Variants in MYH10 observed in about 807,000 individuals in gnomAD.
MYH10 encodes the protein myosin-10.
MYH10 carries 55 observed loss-of-function variants against 257.8 expected under a neutral mutation model. The ratio of observed to expected loss-of-function variants is 0.21; its 90% CI spans 0.17 to 0.27. The LOEUF is 0.27. Among genes scored for constraint, MYH10 ranks in the 10% least tolerant of loss-of-function variants. The pLI, the probability that MYH10 is intolerant of heterozygous loss-of-function variation, is 1.00. For synonymous variants in MYH10, 854 were observed against 921.7 expected, an observed-to-expected ratio of 0.93 and a Z score of 1.33; for missense variants, 1,631 against 2,500.6, an observed-to-expected ratio of 0.65 and a Z score of 7.42.
At chr17:8,479,229 A>C (rs1387722919) in intron 40 of MYH10, among the ~76,000 whole-genome samples, 2 of 148,814 alleles carry the variant, frequency 1.3e-5, no homozygotes, top group Non-Finnish European at 3.0e-5. Flanking sequence ...GGCAGCTCAC[A>C]TTGAAAAAAA....
intron 14 of MYH10, among the ~76,000 whole-genome samples, chr17:8,538,330 C>T (rs967087329): frequency 3.3e-5 from 5 of 152,140 alleles, no homozygotes; most frequent in African/African-American, 1.2e-4. Context: ...TTCAGCCTCC[C>T]GAGTAGCTGG....
chr17:8,497,180 C>G (rs1472039677), intron 30 of MYH10, among the ~76,000 whole-genome samples: 1 of 152,180 alleles, frequency 6.6e-6, no homozygotes, highest in African/African-American at 2.4e-5. Flanking sequence ...TTGCCATGAG[C>G]AGGCCTCTGT....
At chr17:8,537,608 A>G (rs1230133345) in intron 14 of MYH10, among the ~76,000 whole-genome samples, 1 of 152,214 alleles carries the variant, frequency 6.6e-6, no homozygotes, top group Admixed American at 6.5e-5. Flanking sequence ...CTAATCACAC[A>G]ACAACTGTGA....
intron 16 of MYH10, among the ~76,000 whole-genome samples, chr17:8,534,386 C>G (rs534483925): frequency 3.9e-5 from 6 of 152,310 alleles, no homozygotes; most frequent in Admixed American, 1.3e-4. Flanking sequence ...GTGCATCCCC[C>G]CCTGCAGCTC....
At chr17:8,602,855 C>A (rs952855398) in intron 3 of MYH10, among the ~76,000 whole-genome samples, 3 of 152,146 alleles carry the variant, frequency 2.0e-5, no homozygotes, top group Non-Finnish European at 4.4e-5. Context: ...ACAAGCTTGT[C>A]ATTAACTAAA....
intron 14 of MYH10, among the ~76,000 whole-genome samples, chr17:8,536,798 CAA>C (rs377714925): frequency 6.8e-5 from 8 of 117,806 alleles, no homozygotes; most frequent in Non-Finnish European, 9.1e-5. Flanking sequence ...GACTCTGTCT[CAA>C]AAAAAAAAAA....
chr17:8,479,355 A>G (rs1205566163), intron 40 of MYH10, among the ~76,000 whole-genome samples: 2 of 152,258 alleles, frequency 1.3e-5, no homozygotes, highest in African/African-American at 4.8e-5. Context: ...GGAGGACTCC[A>G]TGGAAGACAG....
intron 29 of MYH10, 22 bp downstream of exon 29, chr17:8,500,804 C>G: frequency 6.2e-7 from 1 of 1,608,402 alleles, no homozygotes; most frequent in Non-Finnish European, 8.5e-7. Flanking sequence ...CAGGCCACAG[C>G]ACACGGCAGG....
chr17:8,523,393 T>A (rs760239249), intron 17 of MYH10, among the ~76,000 whole-genome samples: 20 of 152,190 alleles, frequency 1.3e-4, no homozygotes, highest in Non-Finnish European at 2.2e-4. Flanking sequence ...GAGTGAGAAA[T>A]GCATTCAAAG....
chr17:8,584,173 G>A (rs763324922), intron 4 of MYH10, among the ~76,000 whole-genome samples: 10 of 152,148 alleles, frequency 6.6e-5, no homozygotes, highest in Admixed American at 2.6e-4. Context: ...TTAAACAGGC[G>A]GCTTGCAAGT....
chr17:8,623,863 C>T (rs1173475768), intron 1 of MYH10, among the ~76,000 whole-genome samples: 1 of 152,118 alleles, frequency 6.6e-6, no homozygotes, highest in East Asian at 1.9e-4. Flanking sequence ...CAACTGGGAC[C>T]ACAAAAGACA....
intron 30 of MYH10, among the ~76,000 whole-genome samples, chr17:8,498,066 C>G (rs1177537022): frequency 6.8e-6 from 1 of 146,090 alleles, no homozygotes; most frequent in Non-Finnish European, 1.5e-5. Flanking sequence ...ACTGCAATCT[C>G]CACCTCCCTG....
Position 8,538,751 on chromosome 17 carries a change from C to T in MYH10, c.1606-2820G>A, listed in dbSNP as rs527449007. On this transcript the variant is annotated intron_variant, in intron 14 of 42. Coordinates refer to ENST00000360416, the MANE Select transcript of MYH10 (RefSeq NM_001256012.3). ...AGAAGGAACGAGTTACCTAGTTCTA[C>T]TCATTGCCCGTCAGTGTCTGGGCAT... Among the ~76,000 whole-genome samples, 137 of 152,324 alleles carry T rather than the reference C, an allele frequency of 9.0e-4. 1 individual carries two copies. The highest frequency in any genetic ancestry group is 2.9e-3 in the African/African-American group (120 of 41,570).
chr17:8,480,228 C>G lies in MYH10; in HGVS notation c.5479G>C (p.Glu1827Gln). ...ARQQLERQNKELKAKLQELEG... is the reference protein window; with the variant it reads ...ARQQLERQNKQLKAKLQELEG... ...AGTTCCTGCAGCTTGGCCTTCAGCT[C>G]CTTGTTCTGCCGCTCCAGTTGCTGG... is the stretch of plus-strand genomic sequence containing the variant. Residue 1827 changes from glutamate to glutamine, a missense_variant, in exon 40 of 43, where the codon GAG becomes CAG. Transcript: ENST00000360416. 1 of 1,614,142 alleles carries G rather than the reference C, an allele frequency of 6.2e-7. No individual in the cohort carries two copies. The highest frequency in any genetic ancestry group is 8.5e-7 in the Non-Finnish European group (1 of 1,180,050).
At position 8,504,819 on chromosome 17, in the gene MYH10, A is replaced by C. The variant is rs2081021145; in HGVS notation, c.3474T>G (p.Phe1158Leu). Residue 1158 changes from phenylalanine (F) to leucine (L), a missense_variant, in exon 28 of 43, where the codon TTT (phenylalanine) becomes TTG (leucine). Phe to Leu is a conservative substitution (Grantham distance 22). Coordinates refer to ENST00000360416, the MANE Select transcript of MYH10 (RefSeq NM_001256012.3). The surrounding 1 kb of genome is among the most constrained non-coding windows in gnomAD (Gnocchi z 5.6). ...TGTTCCGTGAAGCCTTCTCGGATTCAAAGTCTTCCTGAAGTTCAGCAATTT... is the reference window on the plus strand; with the variant it reads ...TGTTCCGTGAAGCCTTCTCGGATTCCAAGTCTTCCTGAAGTTCAGCAATTT... ...QAQIAELQED[F>L]ESEKASRNKA... 2 of 1,614,204 alleles carry C rather than the reference A, an allele frequency of 1.2e-6. No homozygotes were observed. The highest frequency in any genetic ancestry group is 1.7e-6 in the Non-Finnish European group (2 of 1,180,028).
intron 6 of MYH10, among the ~76,000 whole-genome samples, chr17:8,570,531 G>A (rs768815554): frequency 1.3e-5 from 2 of 152,162 alleles, no homozygotes; most frequent in Non-Finnish European, 2.9e-5. Context: ...AAAGCATGAT[G>A]CCATTTCTGG....
chr17:8,518,803 AG>A lies in MYH10; in HGVS notation c.2344-13del, dbSNP rs779217527. ...TCTAAAGCCCGGATCTAAGAGAGAA[AG>A]AGTTTATTTACTTTTTTTAACTACA... On this transcript the variant is annotated splice_polypyrimidine_tract_variant and intron_variant, in intron 20 of 42. Coordinates refer to ENST00000360416, the MANE Select transcript of MYH10 (RefSeq NM_001256012.3). 1 of 1,606,554 alleles carries A rather than the reference AG, an allele frequency of 6.2e-7. No individual in the cohort carries two copies. The highest frequency in any genetic ancestry group is 8.5e-7 in the Non-Finnish European group (1 of 1,177,902).
chr17:8,491,005 T>G (rs1915679680), intron 34 of MYH10, among the ~76,000 whole-genome samples: 1 of 152,216 alleles, frequency 6.6e-6, no homozygotes, highest in African/African-American at 2.4e-5. Context: ...GGCTTGGGCC[T>G]AAGAAGCAGG....
chr17:8,577,380 A>G (rs1468239868), intron 4 of MYH10, 42 bp from the exon 5 acceptor site: 2 of 1,253,786 alleles, frequency 1.6e-6, no homozygotes, highest in Non-Finnish European at 2.3e-6. Context: ...ACGAAAGCAC[A>G]GCACATGCAT....
Sources: allele counts gnomAD v4.1 joint callset (sites outside exome capture counted in the v4.1 genomes callset), GRCh38; gene constraint gnomAD v4.1.1; non-coding constraint Gnocchi (gnomAD v3.1); transcripts MANE v1.5; gene names NCBI Gene and HGNC (gene_info 2026-07-23, HGNC 2026-07-21).